The following ERCC6L variants were observed in gnomAD, a reference collection of about 807,000 sequenced individuals.
The protein encoded by ERCC6L is DNA excision repair protein ERCC-6-like.
ERCC6L carries 7 observed loss-of-function variants against 20.1 expected under a neutral mutation model. The ratio of observed to expected loss-of-function variants is 0.35; its 90% confidence interval spans 0.20 to 0.65. The LOEUF (loss-of-function observed/expected upper bound fraction) is 0.65. Ranked by LOEUF, ERCC6L falls within the 30% of genes least tolerant of loss-of-function variation. The pLI is 0.69. For synonymous variants in ERCC6L, 278 were observed against 331.3 expected (o/e 0.84, Z 1.75); for missense variants, 592 against 892.4 (o/e 0.66, Z 4.29).
intron 1 of ERCC6L, among the ~76,000 whole-genome samples, chrX:72,224,300 C>T (rs2042942245): frequency 9.0e-6 from 1 of 111,665 alleles, no homozygotes; most frequent in Admixed American, 9.5e-5. Flanking sequence ...CTCACTCACT[C>T]TTTCTTGGTC....
At chrX:72,227,404 A>C (rs1251631103) in intron 1 of ERCC6L, among the ~76,000 whole-genome samples, 2 of 111,754 alleles carry the variant, frequency 1.8e-5, no homozygotes, top group Non-Finnish European at 3.8e-5. Flanking sequence ...CTCACCAGGT[A>C]CTCACTCCAA....
At chrX:72,233,822 G>GA (rs1556404349) in intron 1 of ERCC6L, among the ~76,000 whole-genome samples, 10 of 103,853 alleles carry the variant, frequency 9.6e-5, no homozygotes, top group African/African-American at 3.5e-4. Flanking sequence ...TAAGAATATG[G>GA]TTTTTTTTTT....
At chrX:72,217,095 C>T (rs1483403478) in intron 1 of ERCC6L, among the ~76,000 whole-genome samples, 1 of 111,944 alleles carries the variant, frequency 8.9e-6, no homozygotes, top group Non-Finnish European at 1.9e-5. Flanking sequence ...GAGTGATTAG[C>T]CAGCAGGTTC....
At position 72,238,905 on chromosome X, in the gene ERCC6L, C is replaced by G. The variant is rs1402657839; in HGVS notation, c.7G>C (p.Ala3Pro). 3.4e-6 allele frequency: 4 copies of G among 1,190,416 alleles called. No homozygotes were observed. The highest frequency in any genetic ancestry group is 4.5e-6 in the Non-Finnish European group (4 of 884,550). The change falls in exon 1 of 2, where the codon GCA becomes CCA. Residue 3 changes from alanine to proline, a missense_variant. Coordinates refer to ENST00000334463, the MANE Select transcript of ERCC6L (RefSeq NM_017669.4). The stretch of plus-strand genomic sequence containing the variant: ...TCGGCTTCCGGAAACCTTCGGGATG[C>G]CTCCATGACCCTCGGATTGGGTTCC... ME[A>P]SRRFPEAEAL... is the part of the protein sequence containing the mutation.
chrX:72,235,490 G>A (rs1377506296), intron 1 of ERCC6L, among the ~76,000 whole-genome samples: 3 of 108,165 alleles, frequency 2.8e-5, no homozygotes, highest in African/African-American at 6.8e-5. Flanking sequence ...CCACCTCCTG[G>A]GTTCAAGCAA....
At position 72,208,089 on chromosome X, in the gene ERCC6L, G is replaced by A. The variant is rs2042831141; in HGVS notation, c.678C>T (p.Ile226=). The A allele has an allele frequency of 8.3e-7, 1 of 1,209,826 alleles. No individual in the cohort carries two copies. Among genetic ancestry groups the A allele is most frequent in the Admixed American group, 2.2e-5 (1 of 45,691 alleles). Residue 226 remains isoleucine (I), a synonymous_variant, in exon 2 of 2, where the codon ATC becomes ATT. Transcript: ENST00000334463. ...RGQEFVWDYV[I]LDEAHKIKTS... ...TTTTTATTTTATGTGCTTCATCGAG[G>A]ATGACATAGTCCCACACAAACTCTT...
intron 1 of ERCC6L, among the ~76,000 whole-genome samples, chrX:72,225,383 C>T (rs1239079905): frequency 9.0e-6 from 1 of 111,686 alleles, no homozygotes; most frequent in East Asian, 2.8e-4. Flanking sequence ...TACTTCTTTG[C>T]AGCCCCTCTC....
chrX:72,211,070 G>T (rs552158363), intron 1 of ERCC6L, among the ~76,000 whole-genome samples: 1 of 111,602 alleles, frequency 9.0e-6, no homozygotes, highest in Non-Finnish European at 1.9e-5. Flanking sequence ...AATGCAGTTT[G>T]ATTTAGCCAC....
intron 1 of ERCC6L, among the ~76,000 whole-genome samples, chrX:72,216,419 A>T (rs972217586): frequency 3.6e-5 from 4 of 112,176 alleles, no homozygotes; most frequent in South Asian, 3.7e-4. Context: ...TAGGTTTTTT[A>T]AAAAAATGTG....
intron 1 of ERCC6L, among the ~76,000 whole-genome samples, chrX:72,219,806 G>A (rs948237209): frequency 9.7e-6 from 1 of 103,391 alleles, no homozygotes; most frequent in Non-Finnish European, 1.9e-5. Context: ...TCAAGGTTGC[G>A]CCACTGCACT....
rs755772172 is a variant in ERCC6L at position 72,232,734 on chromosome X, C to T, written c.68+6110G>A. Reference sequence around the variant, plus strand: ...CTGAGGCAGGAGAATCACTTGAACCCGGGAGGTGGAGGTTGCAGTGAGCTG... The same window carrying T: ...CTGAGGCAGGAGAATCACTTGAACCTGGGAGGTGGAGGTTGCAGTGAGCTG... On this transcript the variant is annotated intron_variant, in intron 1 of 1. Transcript: ENST00000334463. Among the ~76,000 whole-genome samples, 70 of 111,681 alleles carry T rather than the reference C, an allele frequency of 6.3e-4. 1 individual carries two copies. The highest frequency in any genetic ancestry group is 1.8e-3 in the South Asian group (5 of 2,708).
At chrX:72,232,927 A>AC (rs1199442366) in intron 1 of ERCC6L, among the ~76,000 whole-genome samples, 1 of 109,797 alleles carries the variant, frequency 9.1e-6, no homozygotes, top group Non-Finnish European at 1.9e-5. Flanking sequence ...ACATAGGGAG[A>AC]CCCCATCTCT....
At chrX:72,216,933 G>A (rs1341444559) in intron 1 of ERCC6L, among the ~76,000 whole-genome samples, 1 of 112,230 alleles carries the variant, frequency 8.9e-6, no homozygotes, top group African/African-American at 3.2e-5. Context: ...CAGGATGTTA[G>A]CCACCAAATG....
chrX:72,231,025 A>G (rs763566803), intron 1 of ERCC6L, among the ~76,000 whole-genome samples: 8 of 112,042 alleles, frequency 7.1e-5, no homozygotes, highest in African/African-American at 9.7e-5. Context: ...AGGTTCCTCA[A>G]AAAACTAAAA....
chrX:72,218,028 T>C (rs763561332), intron 1 of ERCC6L, among the ~76,000 whole-genome samples: 68 of 111,252 alleles, frequency 6.1e-4, no homozygotes, highest in Non-Finnish European at 8.7e-4. Flanking sequence ...CCCAGCACTT[T>C]GGAAGGCCAA....
At chrX:72,237,439 A>G (rs963357969) in intron 1 of ERCC6L, among the ~76,000 whole-genome samples, 15 of 110,988 alleles carry the variant, frequency 1.4e-4, no homozygotes, top group African/African-American at 4.9e-4. Context: ...TCTACCAAAA[A>G]TACAAAAAAT....
intron 1 of ERCC6L, among the ~76,000 whole-genome samples, chrX:72,225,615 G>T (rs1365661607): frequency 8.9e-6 from 1 of 111,981 alleles, no homozygotes; most frequent in Non-Finnish European, 1.9e-5. Flanking sequence ...CCTCGGATTA[G>T]TGGGATATTT....
chrX:72,223,320 A>G (rs1399919749), intron 1 of ERCC6L, among the ~76,000 whole-genome samples: 4 of 98,061 alleles, frequency 4.1e-5, no homozygotes, highest in African/African-American at 1.5e-4. Flanking sequence ...AGCCTGGGCA[A>G]AAAGAGTGAA....
intron 1 of ERCC6L, among the ~76,000 whole-genome samples, chrX:72,235,553 G>A (rs751870905): frequency 1.4e-4 from 15 of 110,346 alleles, no homozygotes; most frequent in Non-Finnish European, 2.8e-4. Flanking sequence ...GTACCACCAC[G>A]TCCAGCTTAT....
Sources: gnomAD v4.1 joint callset for allele counts (sites outside exome capture counted in the v4.1 genomes callset) on GRCh38, gnomAD v4.1.1 for gene constraint, MANE v1.5 for transcripts, NCBI Gene and HGNC (gene_info 2026-07-23, HGNC 2026-07-21) for gene names.